Variants in TAFA2 observed in about 807,000 individuals in gnomAD.
TAFA2 encodes TAFA chemokine like family member 2.
TAFA2 carries 7 observed loss-of-function variants against 18.8 expected under a neutral mutation model. The ratio of observed to expected loss-of-function variants is 0.37; its 90% confidence interval spans 0.21 to 0.70. TAFA2 has a LOEUF of 0.70. TAFA2 is among the 30% of genes least tolerant of loss of function. TAFA2 has a pLI of 0.53. For missense variants in TAFA2, 122 were observed against 158.1 expected, an observed-to-expected ratio of 0.77 and a Z score of 1.23; for synonymous variants, 60 against 54.2, an observed-to-expected ratio of 1.11 and a Z score of -0.47.
intron 1 of TAFA2, among the ~76,000 whole-genome samples, chr12:62,007,977 C>G (rs866830252): frequency 4.6e-5 from 7 of 152,114 alleles, no homozygotes; most frequent in Non-Finnish European, 7.4e-5. Context: ...CAACATTTCC[C>G]CATTCCTCTA....
intron 2 of TAFA2, among the ~76,000 whole-genome samples, chr12:61,780,313 G>C (rs1366633120): frequency 6.6e-6 from 1 of 151,758 alleles, no homozygotes; most frequent in East Asian, 1.9e-4. Context: ...AAACCTTAAG[G>C]TTCTTTAGCA....
Position 61,761,427 on chromosome 12 carries a change from G to A in TAFA2, c.107-6403C>T, listed in dbSNP as rs190121823. Among the ~76,000 whole-genome samples, 140 of 152,074 alleles carry A rather than the reference G, an allele frequency of 9.2e-4. 1 individual carries two copies. Among genetic ancestry groups the A allele is most frequent in the Middle Eastern group, 3.4e-3 (1 of 294 alleles). On this transcript the variant is annotated intron_variant, in intron 2 of 4. Transcript: ENST00000416284. ...GGTATGAAAATATGGGTTCACAGTA[G>A]AATAATATTTATGCAAATTATTCAC... is the stretch of plus-strand genomic sequence containing the variant.
chr12:62,068,130 C>G (rs1047495811), intron 1 of TAFA2, among the ~76,000 whole-genome samples: 5 of 152,008 alleles, frequency 3.3e-5, no homozygotes, highest in African/African-American at 9.6e-5. Flanking sequence ...TTAAAAAAAG[C>G]TTATTTACCT....
At chr12:61,935,293 A>C (rs1004461031) in intron 1 of TAFA2, among the ~76,000 whole-genome samples, 1 of 152,156 alleles carries the variant, frequency 6.6e-6, no homozygotes, top group Non-Finnish European at 1.5e-5. Context: ...CCAGAAACAC[A>C]ATCTGTTTCT....
intron 1 of TAFA2, among the ~76,000 whole-genome samples, chr12:62,058,164 T>C (rs1882235660): frequency 6.6e-6 from 1 of 152,236 alleles, no homozygotes; most frequent in Non-Finnish European, 1.5e-5. Context: ...CAACTATGCC[T>C]GTCATTCCTT....
chr12:61,810,974 C>T (rs886956074), intron 2 of TAFA2, among the ~76,000 whole-genome samples: 3 of 150,154 alleles, frequency 2.0e-5, no homozygotes, highest in South Asian at 2.1e-4. Context: ...GTTAATCTAT[C>T]GAGAATTGAT....
chr12:61,905,591 C>T (rs991554296), intron 1 of TAFA2, among the ~76,000 whole-genome samples: 1 of 152,026 alleles, frequency 6.6e-6, no homozygotes, highest in Non-Finnish European at 1.5e-5. Flanking sequence ...TTAGCATGAC[C>T]AGATAATCTC....
chr12:61,831,272 C>T (rs570328680), intron 2 of TAFA2, among the ~76,000 whole-genome samples: 1 of 152,082 alleles, frequency 6.6e-6, no homozygotes, highest in East Asian at 1.9e-4. Flanking sequence ...TTTGAAATTG[C>T]TGTCATTAAC....
In TAFA2 at chr12:61,988,120, T is replaced by G. The variant is rs144370099; in HGVS notation, c.-1-120694A>C. ...ACAGGAATGCTATCATGGCCCAATC[T>G]GAGCTCCAGACAGAACTTAGCACCC... is the stretch of plus-strand genomic sequence containing the variant. On this transcript the variant is annotated intron_variant, in intron 1 of 4. Coordinates refer to ENST00000416284, the MANE Select transcript of TAFA2 (RefSeq NM_178539.5). Among the ~76,000 whole-genome samples the G allele has an allele frequency of 3.3e-5, 5 of 152,220 alleles. No individual in the cohort carries two copies. The East Asian group carries it at 9.7e-4, about 30-fold the overall frequency.
chr12:61,937,346 A>T lies in TAFA2; in HGVS notation c.-1-69920T>A, dbSNP rs1877812346. On this transcript the variant is annotated intron_variant, in intron 1 of 4. Coordinates refer to ENST00000416284, the MANE Select transcript of TAFA2 (RefSeq NM_178539.5). ...AACCAAAAAAGAGCCCAAATAGTCA[A>T]AGCAATCCTAACCTAAAAGAACAAA... Among the ~76,000 whole-genome samples, 3 of 152,204 alleles carry T rather than the reference A, an allele frequency of 2.0e-5. No homozygotes were observed. In the South Asian group the frequency reaches 6.2e-4, roughly 31 times the overall value.
At chr12:62,228,859 T>C (rs2062799780) in intron 1 of TAFA2, among the ~76,000 whole-genome samples, 1 of 152,184 alleles carries the variant, frequency 6.6e-6, no homozygotes, top group Admixed American at 6.5e-5. Flanking sequence ...GTATGGAATA[T>C]CTTCTATATT....
At chr12:61,816,388 G>C (rs1872086779) in intron 2 of TAFA2, among the ~76,000 whole-genome samples, 1 of 151,434 alleles carries the variant, frequency 6.6e-6, no homozygotes, top group South Asian at 2.1e-4. Context: ...ATTCCATGGT[G>C]TATATGTACC....
intron 1 of TAFA2, among the ~76,000 whole-genome samples, chr12:61,893,430 G>C (rs1171071931): frequency 1.3e-5 from 2 of 152,158 alleles, no homozygotes; most frequent in Non-Finnish European, 2.9e-5. Context: ...AGCAGCTATG[G>C]GAGCACGTAG....
At chr12:61,786,079 A>C (rs552182088) in intron 2 of TAFA2, among the ~76,000 whole-genome samples, 10 of 151,734 alleles carry the variant, frequency 6.6e-5, no homozygotes, top group African/African-American at 2.4e-4. Flanking sequence ...GCATTTGCTT[A>C]TGAGGAAACT....
At chr12:61,967,767 C>T (rs1192347759) in intron 1 of TAFA2, among the ~76,000 whole-genome samples, 3 of 151,686 alleles carry the variant, frequency 2.0e-5, no homozygotes, top group African/African-American at 4.8e-5. Flanking sequence ...ACTGATAAGT[C>T]GAAATTTGTG....
At position 61,772,838 on chromosome 12, in the gene TAFA2, T is replaced by C. The variant is rs573105344; in HGVS notation, c.107-17814A>G. On this transcript the variant is annotated intron_variant, in intron 2 of 4. Coordinates refer to ENST00000416284, the MANE Select transcript of TAFA2 (RefSeq NM_178539.5). Reference sequence around the variant, plus strand: ...CCACGTTCACCACTTCTATTCAACATAGTACTGGAAGTCATAGCCAGATCA... The same window carrying C: ...CCACGTTCACCACTTCTATTCAACACAGTACTGGAAGTCATAGCCAGATCA... 2.0e-5 allele frequency among the ~76,000 whole-genome samples: 3 copies of C among 151,972 alleles called. No homozygotes were observed. In the South Asian group the frequency reaches 6.2e-4, roughly 32 times the overall value.
At chr12:61,914,012 C>T (rs1322228048) in intron 1 of TAFA2, among the ~76,000 whole-genome samples, 1 of 152,142 alleles carries the variant, frequency 6.6e-6, no homozygotes, top group Non-Finnish European at 1.5e-5. Flanking sequence ...AAGGGGAAAA[C>T]CCCAGCTATA....
chr12:62,024,060 A>G (rs915756825), intron 1 of TAFA2, among the ~76,000 whole-genome samples: 1 of 151,726 alleles, frequency 6.6e-6, no homozygotes, highest in Non-Finnish European at 1.5e-5. Context: ...GCTTGAAAAC[A>G]CTCTTTGTTC....
intron 1 of TAFA2, among the ~76,000 whole-genome samples, chr12:62,010,135 GTCCCTC>G (rs1161584525): frequency 6.6e-5 from 10 of 151,572 alleles, no homozygotes; most frequent in East Asian, 3.9e-4. Flanking sequence ...TGAAACTGTA[GTCCCTC>G]TCCCTCTCCC....
Sources: gnomAD v4.1 joint callset for allele counts (sites outside exome capture counted in the v4.1 genomes callset) on GRCh38, gnomAD v4.1.1 for gene constraint, MANE v1.5 for transcripts, NCBI Gene and HGNC (gene_info 2026-07-23, HGNC 2026-07-21) for gene names.